GPR143: variants seen among roughly 807,000 people sequenced by gnomAD.
GPR143 encodes the protein G-protein coupled receptor 143.
In GPR143, 8 loss-of-function variants were observed where a neutral mutation model predicts 27.6. That is an observed-to-expected ratio of 0.29 (90% CI 0.17 to 0.52). The LOEUF is 0.52. GPR143 is among the 20% of genes least tolerant of loss of function. The pLI, the probability that GPR143 is intolerant of heterozygous loss-of-function variation, is 0.96. For missense variants in GPR143, 303 were observed against 343.1 expected, an observed-to-expected ratio of 0.88 and a Z score of 0.92; for synonymous variants, 156 against 153.2, an observed-to-expected ratio of 1.02 and a Z score of -0.13.
At chrX:9,773,480 T>TACACACACACAC (rs57491053) in intron 1 of GPR143, among the ~76,000 whole-genome samples, 6 of 102,708 alleles carry the variant, frequency 5.8e-5, no homozygotes, top group African/African-American at 1.8e-4. Flanking sequence ...GCTTTGAAAG[T>TACACACACACAC]ACACACACAC....
chrX:9,760,651 T>TTGC (rs1256321140), intron 2 of GPR143, 66 bp downstream of exon 2: 2 of 597,630 alleles, frequency 3.3e-6, no homozygotes, highest in Non-Finnish European at 2.8e-6. Context: ...CTCCCAGGGT[T>TTGC]TGCTGCTGCT....
At chrX:9,741,298 A>G in intron 7 of GPR143, 40 bp downstream of exon 7, 1 of 580,394 alleles carries the variant, frequency 1.7e-6, no homozygotes, top group East Asian at 3.7e-5. Flanking sequence ...CAAATTAATT[A>G]AATAATTAAC....
Position 9,725,464 on chromosome X carries a change from C to T in GPR143, c.*282G>A, listed in dbSNP as rs2083320868. The T allele has an allele frequency of 3.1e-6, 1 of 321,673 alleles. No individual in the cohort carries two copies. Among genetic ancestry groups the T allele is most frequent in the Non-Finnish European group, 5.4e-6 (1 of 184,105 alleles). The allele number at this position is 321,673 out of a possible 1,213,427, so 26.5% of individuals were successfully genotyped here. On this transcript the variant is annotated 3_prime_UTR_variant, in exon 9 of 9. Coordinates refer to ENST00000467482, the MANE Select transcript of GPR143 (RefSeq NM_000273.3). Reference sequence around the variant, plus strand: ...CTTCCCCAAGGATGTGGACCTTACACTTACTTTACAGCCAGCCTCAGAAAA... The same window carrying T: ...CTTCCCCAAGGATGTGGACCTTACATTTACTTTACAGCCAGCCTCAGAAAA...
intron 1 of GPR143, among the ~76,000 whole-genome samples, chrX:9,764,935 A>G (rs2083521875): frequency 9.2e-6 from 1 of 108,280 alleles, no homozygotes; most frequent in Non-Finnish European, 1.9e-5. Context: ...GAGGCAAGAG[A>G]ATCCCTTGAA....
intron 1 of GPR143, among the ~76,000 whole-genome samples, chrX:9,762,029 G>A (rs1437495387): frequency 8.9e-6 from 1 of 111,896 alleles, no homozygotes; most frequent in Non-Finnish European, 1.9e-5. Context: ...GGAGGTTGCA[G>A]TGAGTCGAGA....
At chrX:9,739,449 C>T in intron 8 of GPR143, 36 bp downstream of exon 8, 1 of 1,032,192 alleles carries the variant, frequency 9.7e-7, no homozygotes, top group Non-Finnish European at 1.4e-6. Context: ...GCCCTGGGAC[C>T]CCGAAGTCTA....
At chrX:9,749,957 A>T (rs2083444633) in intron 3 of GPR143, among the ~76,000 whole-genome samples, 1 of 110,580 alleles carries the variant, frequency 9.0e-6, no homozygotes, top group African/African-American at 3.3e-5. Flanking sequence ...TGTGGAGATG[A>T]GGTTATGCCA....
At chrX:9,740,955 T>C in intron 7 of GPR143, 1 of 298,178 alleles carries the variant, frequency 3.4e-6, no homozygotes, top group Non-Finnish European at 5.8e-6. Flanking sequence ...AAGCATTTAA[T>C]AAGGATCCCG....
chrX:9,733,567 G>T (rs1295767007), intron 8 of GPR143, among the ~76,000 whole-genome samples: 1 of 111,577 alleles, frequency 9.0e-6, no homozygotes, highest in Non-Finnish European at 1.9e-5. Flanking sequence ...GAGAAACAAG[G>T]AATTGTGGGA....
chrX:9,760,848 C>T (rs1488643197), intron 1 of GPR143, 22 bp from the exon 2 acceptor site: 3 of 819,590 alleles, frequency 3.7e-6, no homozygotes, highest in African/African-American at 4.1e-5. Context: ...TTGGATAATA[C>T]TTTGTATCTG....
chrX:9,774,925 G>A (rs2083566461), intron 1 of GPR143, among the ~76,000 whole-genome samples: 2 of 111,036 alleles, frequency 1.8e-5, no homozygotes, highest in Non-Finnish European at 1.9e-5. Flanking sequence ...GTGCAGTGGT[G>A]TGATCAGGGC....
In GPR143 at chrX:9,771,328, C is replaced by A. The variant is rs962914013; in HGVS notation, c.-2-10502G>T. Among the ~76,000 whole-genome samples the A allele has an allele frequency of 5.4e-5, 6 of 111,023 alleles. No homozygotes were observed. The Admixed American group carries it at 5.7e-4, about 11-fold the overall frequency. On this transcript the variant is annotated intron_variant, in intron 1 of 7. Transcript: ENST00000447366. ...CTTTCACCTTGGCCTCCCAGAGTGC[C>A]GAAATTACAGGCCTGAGTCACCTCA...
chrX:9,762,666 A>AAAAGCTC (rs1019040663), intron 1 of GPR143, among the ~76,000 whole-genome samples: 3 of 112,017 alleles, frequency 2.7e-5, no homozygotes, highest in Admixed American at 1.9e-4. Flanking sequence ...GTGAACACTA[A>AAAAGCTC]AAAGCTCAAG....
chrX:9,747,603 GC>G (rs752833965), intron 4 of GPR143, among the ~76,000 whole-genome samples: 5 of 112,097 alleles, frequency 4.5e-5, no homozygotes, highest in African/African-American at 1.6e-4. Context: ...GGTTGACAAG[GC>G]AACACCAATT....
chrX:9,760,096 A>AT (rs975447321), intron 2 of GPR143, among the ~76,000 whole-genome samples: 3 of 110,768 alleles, frequency 2.7e-5, no homozygotes, highest in Non-Finnish European at 5.7e-5. Context: ...ATGTGGTTTT[A>AT]TTTTTTTTCT....
At position 9,738,103 on chromosome X, in the gene GPR143, T is replaced by C. The variant is rs201758807; in HGVS notation, c.1120+1382A>G. 3 of 112,363 alleles carry C rather than the reference T, an allele frequency of 2.7e-5. No individual in the cohort carries two copies. In the East Asian group the frequency reaches 8.4e-4, roughly 31 times the overall value. The allele number at this position is 112,363 out of a possible 1,213,427, so 9.3% of individuals were successfully genotyped here. A position where few individuals can be genotyped will look rare whatever the true frequency, so the allele number is the denominator to read the frequency against. The stretch of plus-strand genomic sequence containing the variant: ...ATTTGCTTTTTCTAAAACCTCTATG[T>C]GAAAACATCCAACCTTTGAGCAGAA... On this transcript the variant is annotated intron_variant, in intron 8 of 8. Transcript: ENST00000467482.
intron 2 of GPR143, 108 bp downstream of exon 2, chrX:9,760,609 G>T: frequency 1.9e-6 from 1 of 513,775 alleles, no homozygotes; most frequent in Non-Finnish European, 3.5e-6. Context: ...AGCAGGATGG[G>T]GCAGGACGTG....
At position 9,725,670 on chromosome X, in the gene GPR143, G is replaced by T; in HGVS notation, c.*76C>A. On this transcript the variant is annotated 3_prime_UTR_variant, in exon 9 of 9. Coordinates refer to ENST00000467482, the MANE Select transcript of GPR143 (RefSeq NM_000273.3). Reference sequence around the variant, plus strand: ...CACTTCGGCAGTGCAGTGTTGGGAAGGTGAGAACACAGTTCTAAAGAACAA... The same window carrying T: ...CACTTCGGCAGTGCAGTGTTGGGAATGTGAGAACACAGTTCTAAAGAACAA... 2.6e-6 allele frequency: 2 copies of T among 779,841 alleles called. No individual in the cohort carries two copies. The highest frequency in any genetic ancestry group is 2.0e-6 in the Non-Finnish European group (1 of 512,492). 64.3% of individuals were successfully genotyped at this position (779,841 alleles called of 1,213,427 possible). A position where few individuals can be genotyped will look rare whatever the true frequency, so the allele number is the denominator to read the frequency against.
chrX:9,766,023 CGGA>C (rs937079712), upstream of GPR143: 3 of 291,920 alleles, frequency 1.0e-5, no homozygotes, highest in African/African-American at 5.6e-5. Context: ...CTTGGGCGGG[CGGA>C]GGAGGAGGAC....
Sources: allele counts gnomAD v4.1 joint callset (sites outside exome capture counted in the v4.1 genomes callset), GRCh38; gene constraint gnomAD v4.1.1; transcripts MANE v1.5; gene names NCBI Gene and HGNC (gene_info 2026-07-23, HGNC 2026-07-21).